The following ADGRL3 variants were observed in gnomAD, a reference collection of about 807,000 sequenced individuals.
ADGRL3 encodes calcium-independent alpha-latrotoxin receptor 3.
ADGRL3 carries 62 observed loss-of-function variants against 153.5 expected under a neutral mutation model. That is an observed-to-expected ratio of 0.40 (90% confidence interval 0.33 to 0.50). The LOEUF (loss-of-function observed/expected upper bound fraction) is 0.50. Ranked by LOEUF, ADGRL3 falls within the 20% of genes least tolerant of loss-of-function variation. ADGRL3 has a pLI of 0.47. For missense variants in ADGRL3, 1,641 were observed against 1,859.4 expected (o/e 0.88, Z 2.16); for synonymous variants, 710 against 672.5 (o/e 1.06, Z -0.86).
At chr4:61,745,358 A>T (rs2151968608) in intron 8 of ADGRL3, among the ~76,000 whole-genome samples, 1 of 152,240 alleles carries the variant, frequency 6.6e-6, no homozygotes, top group South Asian at 2.1e-4. Context: ...AATACAGAGA[A>T]TGCCACAAAG....
At chr4:61,576,115 G>A (rs1366163209) in intron 4 of ADGRL3, among the ~76,000 whole-genome samples, 1 of 151,880 alleles carries the variant, frequency 6.6e-6, no homozygotes, top group Non-Finnish European at 1.5e-5. Context: ...TGTGTGAGCT[G>A]GTTTTTGTCC....
intron 1 of ADGRL3, among the ~76,000 whole-genome samples, chr4:61,350,105 G>A (rs765896431): frequency 6.6e-6 from 1 of 152,142 alleles, no homozygotes; most frequent in Non-Finnish European, 1.5e-5. Flanking sequence ...TGATGTAGAT[G>A]ATATTGTAGA....
intron 5 of ADGRL3, among the ~76,000 whole-genome samples, chr4:61,649,250 A>C (rs912389456): frequency 1.3e-5 from 2 of 152,090 alleles, no homozygotes; most frequent in African/African-American, 4.8e-5. Context: ...CAAGTTTATA[A>C]ATTTTTAAGA....
intron 6 of ADGRL3, among the ~76,000 whole-genome samples, chr4:61,706,317 G>C (rs992856363): frequency 1.3e-5 from 2 of 151,876 alleles, no homozygotes; most frequent in African/African-American, 4.8e-5. Context: ...AGCTACTCGG[G>C]AGGCTGAGGC....
chr4:61,892,611 C>T, intron 9 of ADGRL3, 45 bp from the exon 10 acceptor site: 5 of 1,429,990 alleles, frequency 3.5e-6, no homozygotes, highest in Non-Finnish European at 4.9e-6. Flanking sequence ...TGAGGTCCTC[C>T]TGTGAACAAG....
At chr4:61,352,392 AC>A (rs2096068012) in intron 1 of ADGRL3, among the ~76,000 whole-genome samples, 1 of 150,800 alleles carries the variant, frequency 6.6e-6, no homozygotes, top group East Asian at 1.9e-4. Context: ...AGTAAACATA[AC>A]CTTTTTTTTT....
intron 6 of ADGRL3, among the ~76,000 whole-genome samples, chr4:61,703,959 A>C (rs1445117267): frequency 6.6e-6 from 1 of 152,092 alleles, no homozygotes; most frequent in Non-Finnish European, 1.5e-5. Flanking sequence ...CAGGCATAGA[A>C]TACTTGCTTA....
chr4:61,869,221 G>A (rs1054074234), intron 9 of ADGRL3, among the ~76,000 whole-genome samples: 2 of 152,148 alleles, frequency 1.3e-5, no homozygotes, highest in African/African-American at 4.8e-5. Flanking sequence ...TGGGTTTATA[G>A]GTGTGAGCCA....
chr4:61,827,546 A>T (rs901901464), intron 9 of ADGRL3, among the ~76,000 whole-genome samples: 3 of 152,214 alleles, frequency 2.0e-5, no homozygotes, highest in Non-Finnish European at 2.9e-5. Context: ...GTTTGCATAG[A>T]AATATTGATT....
intron 5 of ADGRL3, among the ~76,000 whole-genome samples, chr4:61,606,689 G>A (rs1296429036): frequency 6.6e-6 from 1 of 152,126 alleles, no homozygotes; most frequent in African/African-American, 2.4e-5. Context: ...TTGGGGGCAG[G>A]GAGAGGGGAC....
chr4:61,969,094 G>T (rs28423671), intron 17 of ADGRL3, among the ~76,000 whole-genome samples: 2 of 151,956 alleles, frequency 1.3e-5, no homozygotes, highest in African/African-American at 4.8e-5. Context: ...CACTCTAAGC[G>T]GTCAGCATAT....
At chr4:61,390,046 C>CA (rs199523828) in intron 2 of ADGRL3, among the ~76,000 whole-genome samples, 1 of 151,948 alleles carries the variant, frequency 6.6e-6, no homozygotes, top group East Asian at 1.9e-4. Context: ...AGGTTATAAC[C>CA]AATTATTTGG....
intron 8 of ADGRL3, among the ~76,000 whole-genome samples, chr4:61,755,014 T>C (rs1580648967): frequency 6.6e-6 from 1 of 152,212 alleles, no homozygotes; most frequent in Non-Finnish European, 1.5e-5. Context: ...TAATCCAGTC[T>C]ATCATTGTTG....
Position 61,894,887 on chromosome 4 carries a change from T to C in ADGRL3, c.1784-844T>C, listed in dbSNP as rs181649329. Reference sequence around the variant, plus strand: ...CTATCTCCTCTTTTAATATTCTCATTGATTTTCCGGCACCCACAAATGATA... The same window carrying C: ...CTATCTCCTCTTTTAATATTCTCATCGATTTTCCGGCACCCACAAATGATA... On this transcript the variant is annotated intron_variant, in intron 10 of 26. Coordinates refer to ENST00000683033, the MANE Select transcript of ADGRL3 (RefSeq NM_001387552.1). 8.9e-4 allele frequency among the ~76,000 whole-genome samples: 135 copies of C among 152,286 alleles called. 1 individual carries two copies. Among genetic ancestry groups the C allele is most frequent in the East Asian group, 5.8e-3 (30 of 5,166 alleles).
chr4:61,857,470 C>T (rs2098287895), intron 9 of ADGRL3, among the ~76,000 whole-genome samples: 1 of 152,092 alleles, frequency 6.6e-6, no homozygotes, highest in African/African-American at 2.4e-5. Flanking sequence ...CCAACCACTG[C>T]TAGTTTTCTC....
At chr4:61,438,189 G>T (rs2097476843) in intron 2 of ADGRL3, among the ~76,000 whole-genome samples, 1 of 152,000 alleles carries the variant, frequency 6.6e-6, no homozygotes, top group East Asian at 1.9e-4. Flanking sequence ...GGACAAATAT[G>T]AATATGACAT....
At chr4:61,731,939 A>G (rs1463177368) in intron 7 of ADGRL3, among the ~76,000 whole-genome samples, 1 of 152,168 alleles carries the variant, frequency 6.6e-6, no homozygotes, top group East Asian at 1.9e-4. Context: ...CTGAAGTATG[A>G]GCAGCAAAAT....
intron 8 of ADGRL3, among the ~76,000 whole-genome samples, chr4:61,787,295 A>G (rs775015197): frequency 1.3e-5 from 2 of 152,110 alleles, no homozygotes; most frequent in Non-Finnish European, 2.9e-5. Flanking sequence ...AAAGATTTTC[A>G]ACTATCCTCA....
In ADGRL3 at chr4:61,676,831, A is replaced by G. The variant is rs1008332796; in HGVS notation, c.479A>G (p.Asn160Ser). The change falls in exon 6 of 27, where the codon AAT (asparagine) becomes AGT (serine). Residue 160 changes from asparagine to serine, a missense_variant. Transcript: ENST00000683033. The stretch of plus-strand genomic sequence containing the variant: ...TTCCTTTCTTTTGACTTCAGATGCA[A>G]TAACAGAACCCAGTGTGCAGTGGTG... ...DAYKIMSQRC[N>S]NRTQCAVVAG... 3.7e-6 allele frequency: 6 copies of G among 1,610,628 alleles called. No homozygotes were observed. Among genetic ancestry groups the G allele is most frequent in the Non-Finnish European group, 8.5e-7 (1 of 1,177,346 alleles).
Sources: gnomAD v4.1 joint callset for allele counts (sites outside exome capture counted in the v4.1 genomes callset) on GRCh38, gnomAD v4.1.1 for gene constraint, MANE v1.5 for transcripts, NCBI Gene and HGNC (gene_info 2026-07-23, HGNC 2026-07-21) for gene names.